Variants in HTR1E observed in about 807,000 individuals in gnomAD.
HTR1E encodes 5-HT-1E.
Under a neutral mutation model 3.4 loss-of-function variants are expected in HTR1E, and 3 were observed. The observed-to-expected ratio is 0.89, with a 90% CI of 0.41 to 2.31. The LOEUF (loss-of-function observed/expected upper bound fraction) is 2.31, where lower values mean the gene tolerates loss of function less well. HTR1E is among the 30% of genes most tolerant of loss of function. The pLI is 0.05. For missense variants in HTR1E, 392 were observed against 467.0 expected (o/e 0.84, Z 1.48); for synonymous variants, 170 against 182.8 (o/e 0.93, Z 0.56).
rs140353891 is a variant in HTR1E at position 86,950,344 on chromosome 6, G to A, written c.-186+12521G>A. Reference sequence around the variant, plus strand: ...TGTTCTTTGAGTAGAGAACCTTTGTGTAAGGCCTTACAAAGTTCTGATAGA... The same window carrying A: ...TGTTCTTTGAGTAGAGAACCTTTGTATAAGGCCTTACAAAGTTCTGATAGA... On this transcript the variant is annotated intron_variant, in intron 1 of 1. Transcript: ENST00000305344. Among the ~76,000 whole-genome samples the A allele has an allele frequency of 4.3e-3, 652 of 152,276 alleles. 2 individuals carry two copies. Among genetic ancestry groups the A allele is most frequent in the African/African-American group, 0.015 (615 of 41,560 alleles).
At chr6:86,959,527 G>A (rs957045299) in intron 1 of HTR1E, among the ~76,000 whole-genome samples, 1 of 152,206 alleles carries the variant, frequency 6.6e-6, no homozygotes, top group Non-Finnish European at 1.5e-5. Context: ...AGGCTACAGT[G>A]AGTGGAGATC....
intron 1 of HTR1E, among the ~76,000 whole-genome samples, chr6:86,963,495 A>G (rs890288696): frequency 1.6e-4 from 25 of 152,338 alleles, no homozygotes; most frequent in Non-Finnish European, 3.2e-4. Context: ...GTGTTTAGAA[A>G]GTCTACAGTA....
chr6:86,975,947 ACTCT>A (rs1554182862), intron 1 of HTR1E, among the ~76,000 whole-genome samples: 21 of 139,784 alleles, frequency 1.5e-4, no homozygotes, highest in South Asian at 9.2e-4. Context: ...ACACACACAC[ACTCT>A]CTCTCTCTCT....
In HTR1E at chr6:86,958,057, A is replaced by ATTTT. The variant is rs1247030477; in HGVS notation, c.-186+20250_-186+20253dup. On this transcript the variant is annotated intron_variant, in intron 1 of 1. Coordinates refer to ENST00000305344, the MANE Select transcript of HTR1E (RefSeq NM_000865.3). ...CATGCATTCCTTGACCAATAGAGGCATTTTTTTTTTTTTTTTTTTGAGACA... is the reference window on the plus strand; with the variant it reads ...CATGCATTCCTTGACCAATAGAGGCATTTTTTTTTTTTTTTTTTTTTTTGAGACA... Among the ~76,000 whole-genome samples, 6 of 131,216 alleles carry ATTTT rather than the reference A, an allele frequency of 4.6e-5. 1 individual carries two copies. The highest frequency in any genetic ancestry group is 7.8e-5 in the Admixed American group (1 of 12,896). The allele number at this position is 131,216 out of a possible 152,430, so 86.1% of individuals were successfully genotyped here. A position where few individuals can be genotyped will look rare whatever the true frequency, so the allele number is the denominator to read the frequency against.
chr6:86,982,666 A>T (rs1414438753), intron 1 of HTR1E, among the ~76,000 whole-genome samples: 1 of 152,206 alleles, frequency 6.6e-6, no homozygotes, highest in African/African-American at 2.4e-5. Flanking sequence ...CTGGAATCTG[A>T]CTATGCAAAA....
chr6:86,986,357 T>C (rs572132319), intron 1 of HTR1E, among the ~76,000 whole-genome samples: 1 of 152,324 alleles, frequency 6.6e-6, no homozygotes, highest in Non-Finnish European at 1.5e-5. Context: ...GAGCTTGAAT[T>C]CATACTCATG....
chr6:86,940,239 T>A (rs1332988947), intron 1 of HTR1E, among the ~76,000 whole-genome samples: 2 of 151,084 alleles, frequency 1.3e-5, no homozygotes, highest in Non-Finnish European at 3.0e-5. Flanking sequence ...AGGCTGCAAA[T>A]GAAAAGTAGA....
chr6:87,003,814 CAAAG>C (rs141271415), intron 1 of HTR1E, among the ~76,000 whole-genome samples: 110 of 151,628 alleles, frequency 7.3e-4, no homozygotes, highest in African/African-American at 2.5e-3. Context: ...TACAAAAAAA[CAAAG>C]AAACAAACAG....
At chr6:86,939,018 C>T (rs937821893) in intron 1 of HTR1E, among the ~76,000 whole-genome samples, 19 of 152,156 alleles carry the variant, frequency 1.2e-4, no homozygotes, top group East Asian at 9.6e-4. Flanking sequence ...ATTCCCTGTG[C>T]GGTCTCCTTC....
chr6:86,958,937 CGTGT>C (rs55871033), intron 1 of HTR1E, among the ~76,000 whole-genome samples: 17,955 of 139,852 alleles, frequency 0.13, 1,149 homozygotes, highest in Middle Eastern at 0.21. Context: ...ACCAATTGCA[CGTGT>C]GTGTGTGTGT....
At chr6:86,994,632 T>C (rs1767911681) in intron 1 of HTR1E, among the ~76,000 whole-genome samples, 2 of 151,892 alleles carry the variant, frequency 1.3e-5, no homozygotes, top group African/African-American at 2.4e-5. Context: ...AAGAAAGTTC[T>C]CTAGACAGAA....
At position 86,973,297 on chromosome 6, in the gene HTR1E, G is replaced by C. The variant is rs539372922; in HGVS notation, c.-186+35474G>C. Among the ~76,000 whole-genome samples, 4 of 66,914 alleles carry C rather than the reference G, an allele frequency of 6.0e-5. No homozygotes were observed. In the East Asian group the frequency reaches 1.8e-3, roughly 30 times the overall value. 43.9% of individuals were successfully genotyped at this position (66,914 alleles called of 152,430 possible). On this transcript the variant is annotated intron_variant, in intron 1 of 1. Coordinates refer to ENST00000305344, the MANE Select transcript of HTR1E (RefSeq NM_000865.3). ...ATAATGAGCCAGAACAAAGGCAGTG[G>C]CTGTGTGTGTGTGTGTGTGTGTGTG... is the stretch of plus-strand genomic sequence containing the variant.
chr6:86,973,775 A>C (rs1767593122), intron 1 of HTR1E, among the ~76,000 whole-genome samples: 1 of 152,246 alleles, frequency 6.6e-6, no homozygotes, highest in African/African-American at 2.4e-5. Context: ...TAGAAAGAAT[A>C]CAAGTTCAAG....
At chr6:86,979,423 G>A (rs965779915) in intron 1 of HTR1E, among the ~76,000 whole-genome samples, 3 of 152,092 alleles carry the variant, frequency 2.0e-5, no homozygotes, top group South Asian at 2.1e-4. Context: ...AACTATAGAT[G>A]GTCAGAGAAA....
At chr6:86,960,530 T>C (rs1038675549) in intron 1 of HTR1E, among the ~76,000 whole-genome samples, 2 of 152,100 alleles carry the variant, frequency 1.3e-5, no homozygotes, top group Admixed American at 6.6e-5. Context: ...TTAGACTCCA[T>C]TTATGACACA....
At chr6:86,945,517 AC>A (rs1188457577) in intron 1 of HTR1E, among the ~76,000 whole-genome samples, 2 of 152,170 alleles carry the variant, frequency 1.3e-5, no homozygotes, top group African/African-American at 4.8e-5. Flanking sequence ...TGCTGGGATT[AC>A]AGGCGTGAGT....
chr6:87,014,029 A>T (rs938290606), intron 1 of HTR1E, among the ~76,000 whole-genome samples: 1 of 152,032 alleles, frequency 6.6e-6, no homozygotes, highest in Non-Finnish European at 1.5e-5. Flanking sequence ...CAGACACCAC[A>T]TGTTCTCACT....
intron 1 of HTR1E, among the ~76,000 whole-genome samples, chr6:86,972,199 AT>A (rs2127823203): frequency 6.6e-6 from 1 of 152,328 alleles, no homozygotes; most frequent in East Asian, 1.9e-4. Context: ...AGCACAAATA[AT>A]GGCTGAAACA....
chr6:86,986,037 CT>C (rs951482626), intron 1 of HTR1E, among the ~76,000 whole-genome samples: 2 of 152,154 alleles, frequency 1.3e-5, no homozygotes, highest in Non-Finnish European at 2.9e-5. Flanking sequence ...TCCCCTCTTA[CT>C]TTGTGTAGTA....
Sources: allele counts gnomAD v4.1 joint callset (sites outside exome capture counted in the v4.1 genomes callset), GRCh38; gene constraint gnomAD v4.1.1; transcripts MANE v1.5; gene names NCBI Gene and HGNC (gene_info 2026-07-23, HGNC 2026-07-21).